Variants in EXOC4 observed in about 807,000 individuals in gnomAD.
EXOC4 encodes the protein SEC8-like 1.
EXOC4 carries 71 observed loss-of-function variants against 107.2 expected under a neutral mutation model. The observed-to-expected ratio is 0.66, with a 90% CI of 0.55 to 0.81. The LOEUF (loss-of-function observed/expected upper bound fraction) is 0.81, where lower values mean the gene tolerates loss of function less well. Among genes scored for constraint, EXOC4 ranks in the 30% least tolerant of loss-of-function variants. The pLI, the probability that EXOC4 is intolerant of heterozygous loss-of-function variation, is 0.00. For synonymous variants in EXOC4, 456 were observed against 441.2 expected (o/e 1.03, Z -0.42); for missense variants, 1,108 against 1,189.6 (o/e 0.93, Z 1.01).
chr7:133,860,084 T>C (rs1325336891), intron 11 of EXOC4, among the ~76,000 whole-genome samples: 2 of 152,182 alleles, frequency 1.3e-5, no homozygotes, highest in Non-Finnish European at 2.9e-5. Flanking sequence ...ATTCAACCTA[T>C]GCAGTTTTGT....
At chr7:133,445,468 A>G (rs1447795584) in intron 7 of EXOC4, among the ~76,000 whole-genome samples, 1 of 152,200 alleles carries the variant, frequency 6.6e-6, no homozygotes, top group Non-Finnish European at 1.5e-5. Flanking sequence ...CTTAGAATCC[A>G]AGGCTTTGAT....
chr7:133,914,575 T>A (rs1270403896), intron 12 of EXOC4, among the ~76,000 whole-genome samples: 1 of 151,944 alleles, frequency 6.6e-6, no homozygotes, highest in Non-Finnish European at 1.5e-5. Context: ...TATGTGCAAG[T>A]AAGAACTCAA....
At chr7:133,284,923 A>G (rs1253507914) in intron 2 of EXOC4, among the ~76,000 whole-genome samples, 1 of 152,218 alleles carries the variant, frequency 6.6e-6, no homozygotes. Flanking sequence ...TCCCAGTTCC[A>G]ACATCTCAGA....
the EXOC4 span, among the ~76,000 whole-genome samples, chr7:134,095,858 A>C: frequency 5.3e-5 from 8 of 152,356 alleles, no homozygotes; most frequent in East Asian, 1.5e-3. Context: ...CCAAACTTTA[A>C]GAATCCTAGA....
intron 9 of EXOC4, among the ~76,000 whole-genome samples, chr7:133,592,960 T>C (rs1038152332): frequency 2.2e-4 from 33 of 152,206 alleles, no homozygotes; most frequent in African/African-American, 6.8e-4. Context: ...TTGGCCAGGC[T>C]GATCTCAAAC....
intron 14 of EXOC4, among the ~76,000 whole-genome samples, chr7:133,945,532 G>C (rs148417799): frequency 1.3e-3 from 193 of 152,228 alleles, no homozygotes; most frequent in African/African-American, 4.5e-3. Context: ...ACCCAAATCT[G>C]ATTAACAACA....
At chr7:133,696,802 C>G in intron 10 of EXOC4, among the ~76,000 whole-genome samples, 1 of 152,206 alleles carries the variant, frequency 6.6e-6, no homozygotes, top group Admixed American at 6.5e-5. Flanking sequence ...ACACATCAGC[C>G]TCTCCCTTAC....
intron 10 of EXOC4, among the ~76,000 whole-genome samples, chr7:133,687,095 A>G (rs187221072): frequency 9.2e-5 from 14 of 151,946 alleles, no homozygotes; most frequent in African/African-American, 3.4e-4. Flanking sequence ...AATTAATGGC[A>G]TTTGCAGCAA....
At chr7:133,591,681 A>G (rs187184828) in intron 9 of EXOC4, among the ~76,000 whole-genome samples, 2 of 152,170 alleles carry the variant, frequency 1.3e-5, no homozygotes, top group Admixed American at 1.3e-4. Flanking sequence ...TAAGTGGCCG[A>G]TATGAATTTG....
At chr7:133,961,890 G>A (rs927359215) in intron 14 of EXOC4, among the ~76,000 whole-genome samples, 27 of 152,320 alleles carry the variant, frequency 1.8e-4, no homozygotes, top group African/African-American at 6.0e-4. Flanking sequence ...GCAGGCTGTG[G>A]TCTATGCACT....
intron 10 of EXOC4, among the ~76,000 whole-genome samples, chr7:133,694,717 A>T (rs1044212860): frequency 6.6e-6 from 1 of 152,208 alleles, no homozygotes. Flanking sequence ...TATGTTGGGA[A>T]CATTCAGATT....
At chr7:134,096,910 T>C in the EXOC4 span, among the ~76,000 whole-genome samples, 1 of 152,034 alleles carries the variant, frequency 6.6e-6, no homozygotes, top group Non-Finnish European at 1.5e-5. Flanking sequence ...AACAATACTT[T>C]GCATTCTTCA....
At chr7:133,969,589 A>G (rs1172225852) in intron 14 of EXOC4, among the ~76,000 whole-genome samples, 1 of 152,194 alleles carries the variant, frequency 6.6e-6, no homozygotes, top group African/African-American at 2.4e-5. Flanking sequence ...CCCTTCTAAC[A>G]GGCCGCTCTG....
At chr7:133,878,861 A>T (rs1333506715) in intron 11 of EXOC4, among the ~76,000 whole-genome samples, 4 of 151,912 alleles carry the variant, frequency 2.6e-5, no homozygotes, top group East Asian at 1.9e-4. Flanking sequence ...GTAGCTGGGG[A>T]CTACAGGTGT....
chr7:133,595,714 C>G (rs1801652233), intron 9 of EXOC4, among the ~76,000 whole-genome samples: 1 of 152,152 alleles, frequency 6.6e-6, no homozygotes, highest in South Asian at 2.1e-4. Flanking sequence ...TAGTCAGTGG[C>G]AGAATTATTT....
chr7:134,007,946 A>G, intron 17 of EXOC4, 111 bp downstream of exon 17: 1 of 994,214 alleles, frequency 1.0e-6, no homozygotes, highest in Non-Finnish European at 1.4e-6. Flanking sequence ...GTTTAAAAAA[A>G]GAAAGAAGCA....
chr7:133,757,296 C>T (rs1795939193), intron 10 of EXOC4, among the ~76,000 whole-genome samples: 1 of 152,114 alleles, frequency 6.6e-6, no homozygotes, highest in African/African-American at 2.4e-5. Context: ...CAGGATTGTT[C>T]TGCTGAGTTA....
intron 10 of EXOC4, among the ~76,000 whole-genome samples, chr7:133,707,427 GTTT>G (rs111560306): frequency 6.9e-6 from 1 of 144,584 alleles, no homozygotes. Flanking sequence ...GCCATTGTTG[GTTT>G]TTTTTTTTCC....
At chr7:133,573,879 C>T (rs969101700) in intron 9 of EXOC4, among the ~76,000 whole-genome samples, 2 of 152,194 alleles carry the variant, frequency 1.3e-5, no homozygotes, top group African/African-American at 4.8e-5. Flanking sequence ...TTGTAGGTTC[C>T]TGTGTTAAGT....
Sources: allele counts gnomAD v4.1 joint callset (sites outside exome capture counted in the v4.1 genomes callset), GRCh38; gene constraint gnomAD v4.1.1; transcripts MANE v1.5; gene names NCBI Gene and HGNC (gene_info 2026-07-23, HGNC 2026-07-21).